Variants in CSMD3 observed in about 807,000 individuals in gnomAD.
The protein encoded by CSMD3 is CUB and Sushi multiple domains 3.
In CSMD3, 177 loss-of-function variants were observed where a neutral mutation model predicts 435.2. The ratio of observed to expected loss-of-function variants is 0.41; its 90% CI spans 0.36 to 0.46. The LOEUF is 0.46. Ranked by LOEUF, CSMD3 falls within the 20% of genes least tolerant of loss-of-function variation. The pLI is 0.34. For missense variants in CSMD3, 4,265 were observed against 4,504.6 expected (o/e 0.95, Z 1.52); for synonymous variants, 1,656 against 1,520.5 (o/e 1.09, Z -2.07).
rs1465046491 is a variant in CSMD3 at position 112,409,011 on chromosome 8, A to C, written c.5417T>G (p.Phe1806Cys). Reference sequence around the variant, plus strand: ...AACATCGTGGAGTGATGTCTGGAAAAATACAAACTGGCCAAACACCACTGA... The same window carrying C: ...AACATCGTGGAGTGATGTCTGGAAACATACAAACTGGCCAAACACCACTGA... ...KEFVVFGQFV[F>C]FQTSLHDVVE... Residue 1806 changes from phenylalanine (F) to cysteine (C), a missense_variant, in exon 33 of 71, where the codon TTT becomes TGT. By Grantham distance (205) the Phe-to-Cys change is radical. This residue lies in a region of CSMD3 where 3,255 missense variants were observed against 3,380.2 expected (regional missense o/e 0.96). Transcript: ENST00000297405. The C allele has an allele frequency of 6.2e-7, 1 of 1,613,642 alleles. No individual in the cohort carries two copies.
chr8:113,254,404 C>A lies in CSMD3; in HGVS notation c.514+24188G>T, dbSNP rs2093362253. ...GTTCAGCATGGAGGCTCCATCTTTCCTTTCCTTTGTCAACCACATGCACAG... is the reference window on the plus strand; with the variant it reads ...GTTCAGCATGGAGGCTCCATCTTTCATTTCCTTTGTCAACCACATGCACAG... On this transcript the variant is annotated intron_variant, in intron 3 of 70. Coordinates refer to ENST00000297405, the MANE Select transcript of CSMD3 (RefSeq NM_198123.2). 2.0e-5 allele frequency among the ~76,000 whole-genome samples: 3 copies of A among 152,318 alleles called. No homozygotes were observed. The South Asian group carries it at 6.2e-4, about 32-fold the overall frequency.
At chr8:112,280,476 T>G (rs530287147) in intron 59 of CSMD3, among the ~76,000 whole-genome samples, 3 of 151,856 alleles carry the variant, frequency 2.0e-5, no homozygotes, top group Non-Finnish European at 4.4e-5. Context: ...TTTGCCATGT[T>G]TCCCAGGGTG....
chr8:113,136,519 C>A (rs1243845414), intron 4 of CSMD3, among the ~76,000 whole-genome samples: 1 of 151,598 alleles, frequency 6.6e-6, no homozygotes, highest in East Asian at 1.9e-4. Flanking sequence ...CCTTTCTTGT[C>A]ATGTTTAAGT....
chr8:112,308,508 A>G (rs577602238), intron 50 of CSMD3, among the ~76,000 whole-genome samples: 4 of 152,144 alleles, frequency 2.6e-5, no homozygotes, highest in African/African-American at 9.6e-5. Context: ...ATTTTTTTAA[A>G]AAGAAGAAAA....
chr8:113,151,006 T>A (rs149744891), intron 4 of CSMD3, among the ~76,000 whole-genome samples: 1 of 152,028 alleles, frequency 6.6e-6, no homozygotes, highest in East Asian at 1.9e-4. Flanking sequence ...ATTTAGCACA[T>A]AAAAATTAAA....
At chr8:112,602,390 AC>A (rs1180426790) in intron 22 of CSMD3, among the ~76,000 whole-genome samples, 1 of 152,072 alleles carries the variant, frequency 6.6e-6, no homozygotes, top group Non-Finnish European at 1.5e-5. Flanking sequence ...GCATAGTGAA[AC>A]CCTGTCTCTA....
chr8:112,595,165 C>T (rs1004478010), intron 22 of CSMD3, among the ~76,000 whole-genome samples: 38 of 148,690 alleles, frequency 2.6e-4, no homozygotes, highest in African/African-American at 9.1e-4. Context: ...CAGAGAAGTG[C>T]TTAAAGGAGC....
intron 36 of CSMD3, among the ~76,000 whole-genome samples, chr8:112,384,238 GAC>G (rs1331732551): frequency 6.6e-5 from 10 of 152,102 alleles, no homozygotes; most frequent in African/African-American, 2.2e-4. Flanking sequence ...CAGTATGGAT[GAC>G]ACAAAAAAAT....
chr8:113,050,371 A>C (rs1007697924), intron 5 of CSMD3, among the ~76,000 whole-genome samples: 3 of 152,096 alleles, frequency 2.0e-5, no homozygotes, highest in African/African-American at 7.2e-5. Context: ...ATTGTTAAAA[A>C]CATTTGTATT....
rs543868212 is a variant in CSMD3 at position 112,553,062 on chromosome 8, C to T, written c.4235-342G>A. 7.2e-5 allele frequency among the ~76,000 whole-genome samples: 11 copies of T among 152,212 alleles called. 1 individual carries two copies. The highest frequency in any genetic ancestry group is 2.6e-4 in the African/African-American group (11 of 41,552). On this transcript the variant is annotated intron_variant, in intron 25 of 70. Transcript: ENST00000297405. ...GAAACAGATGGCAAGTTGCTCACTG[C>T]TAACAAATTGCAGGCTGAATAATTC... is the stretch of plus-strand genomic sequence containing the variant.
chr8:112,832,165 T>A (rs1277401368), intron 11 of CSMD3, among the ~76,000 whole-genome samples: 3 of 152,174 alleles, frequency 2.0e-5, no homozygotes, highest in Non-Finnish European at 2.9e-5. Context: ...TTTTATCTTT[T>A]GTGAATTGAC....
chr8:112,767,749 A>T (rs1024801224), intron 13 of CSMD3, among the ~76,000 whole-genome samples: 1 of 151,668 alleles, frequency 6.6e-6, no homozygotes, highest in African/African-American at 2.4e-5. Flanking sequence ...TCTACTCCTA[A>T]TTTTATCATT....
At chr8:113,339,634 G>A (rs2094103880) in intron 1 of CSMD3, among the ~76,000 whole-genome samples, 1 of 151,796 alleles carries the variant, frequency 6.6e-6, no homozygotes, top group Non-Finnish European at 1.5e-5. Context: ...TGCCAATTGG[G>A]TCCAATTTTT....
intron 7 of CSMD3, among the ~76,000 whole-genome samples, chr8:112,971,791 C>T (rs576272087): frequency 4.6e-5 from 7 of 151,910 alleles, no homozygotes; most frequent in East Asian, 3.9e-4. Flanking sequence ...TTTATCTCAA[C>T]GTGCAAAGAA....
chr8:112,525,861 T>C (rs1344961879), intron 27 of CSMD3, among the ~76,000 whole-genome samples: 1 of 140,306 alleles, frequency 7.1e-6, no homozygotes, highest in East Asian at 2.0e-4. Context: ...TTTATATATA[T>C]AGTTTTTGTT....
intron 23 of CSMD3, among the ~76,000 whole-genome samples, chr8:112,584,520 T>G (rs1830568533): frequency 6.6e-6 from 1 of 151,888 alleles, no homozygotes; most frequent in Admixed American, 6.6e-5. Context: ...TGTACACGAA[T>G]GTTTGCATGG....
chr8:112,242,335 A>G (rs1814250187), intron 65 of CSMD3, among the ~76,000 whole-genome samples: 1 of 152,142 alleles, frequency 6.6e-6, no homozygotes, highest in Non-Finnish European at 1.5e-5. Context: ...TATAGGAGCT[A>G]TGACATGAAT....
intron 13 of CSMD3, among the ~76,000 whole-genome samples, chr8:112,693,987 T>G (rs150495132): frequency 6.6e-6 from 1 of 151,976 alleles, no homozygotes; most frequent in African/African-American, 2.4e-5. Context: ...CCTTAAATAC[T>G]GAAAAATTAT....
chr8:112,573,389 G>T (rs1264369543), intron 24 of CSMD3, 112 bp downstream of exon 24: 7 of 944,888 alleles, frequency 7.4e-6, no homozygotes, highest in African/African-American at 1.6e-5. Flanking sequence ...GTAGAAAGGA[G>T]CTGTAAATTA....
Sources: gnomAD v4.1 joint callset for allele counts (sites outside exome capture counted in the v4.1 genomes callset) on GRCh38, gnomAD v4.1.1 for gene constraint, gnomAD v4.1.1 regional missense constraint, MANE v1.5 for transcripts, NCBI Gene and HGNC (gene_info 2026-07-23, HGNC 2026-07-21) for gene names.